Variants in TCF3 observed in about 807,000 individuals in gnomAD.
TCF3 encodes transcription factor 3.
A neutral mutation model predicts 72.3 loss-of-function variants in TCF3; 54 were observed. The observed-to-expected ratio is 0.75, with a 90% CI of 0.60 to 0.94. The LOEUF (loss-of-function observed/expected upper bound fraction) is 0.94. Ranked by LOEUF, TCF3 falls within the 40% of genes least tolerant of loss-of-function variation. The pLI is 0.00. For synonymous variants in TCF3, 525 were observed against 412.6 expected, an observed-to-expected ratio of 1.27 and a Z score of -3.30; for missense variants, 1,078 against 934.4, an observed-to-expected ratio of 1.15 and a Z score of -2.00.
Position 1,615,228 on chromosome 19 carries a change from AG to A in TCF3, c.1822+56del. The A allele has an allele frequency of 6.6e-7, 1 of 1,519,498 alleles. No homozygotes were observed. The highest frequency in any genetic ancestry group is 8.8e-7 in the Non-Finnish European group (1 of 1,135,358). 94.1% of individuals were successfully genotyped at this position (1,519,498 alleles called of 1,614,324 possible). On this transcript the variant is annotated intron_variant, in intron 18 of 18. Coordinates refer to ENST00000262965, the MANE Select transcript of TCF3 (RefSeq NM_003200.5). The surrounding 1 kb of genome is among the most constrained non-coding windows in gnomAD (Gnocchi z 7.3). ...GCGGGCGGGGAAGGAGAACGAGGGC[AG>A]GAACACGAGGGAGGGTGGCGCTGCA... is the stretch of plus-strand genomic sequence containing the variant.
Position 1,621,038 on chromosome 19 carries a change from G to C in TCF3, c.1023C>G (p.Ser341=), listed in dbSNP as rs1248668341. 1.3e-6 allele frequency: 2 copies of C among 1,525,378 alleles called. No homozygotes were observed. The highest frequency in any genetic ancestry group is 2.5e-5 in the South Asian group (2 of 80,574). The allele number at this position is 1,525,378 out of a possible 1,614,324, so 94.5% of individuals were successfully genotyped here. The change falls in exon 13 of 19, where the codon TCC becomes TCG. Residue 341 remains serine, a synonymous_variant. Coordinates refer to ENST00000262965, the MANE Select transcript of TCF3 (RefSeq NM_003200.5). ...AGAAGTTATTGCTTGAGTGATCCGG[G>C]GAGTAGATCTGCGAGGAGGACCAGG... The part of the protein sequence containing the change: ...ALGKALASIY[S]PDHSSNNFSS...
At chr19:1,630,318 G>T (rs539099480) in intron 5 of TCF3, among the ~76,000 whole-genome samples, 2 of 152,184 alleles carry the variant, frequency 1.3e-5, no homozygotes, top group African/African-American at 2.4e-5. Context: ...CGTGGCACGT[G>T]GTGGGCCCTC....
intron 1 of TCF3, among the ~76,000 whole-genome samples, chr19:1,651,662 C>T (rs978780164): frequency 1.3e-5 from 2 of 152,124 alleles, no homozygotes; most frequent in Admixed American, 6.5e-5. Flanking sequence ...CGCCTTTTTC[C>T]CGGGGGGAGG....
At chr19:1,619,626 A>C (rs2061934041) in intron 14 of TCF3, 152 bp from the exon 15 acceptor site, 1 of 1,320,790 alleles carries the variant, frequency 7.6e-7, no homozygotes, top group Non-Finnish European at 1.0e-6. Flanking sequence ...CCGGGAGCAC[A>C]CACAAAATGT....
intron 16 of TCF3, among the ~76,000 whole-genome samples, chr19:1,617,086 G>A (rs552081689): frequency 6.6e-6 from 1 of 152,232 alleles, no homozygotes; most frequent in Non-Finnish European, 1.5e-5. Flanking sequence ...GGGTGGCTTT[G>A]CGCTACCCTT....
At chr19:1,631,301 C>G (rs2063686146) in intron 5 of TCF3, among the ~76,000 whole-genome samples, 1 of 149,426 alleles carries the variant, frequency 6.7e-6, no homozygotes, top group Non-Finnish European at 1.5e-5. Flanking sequence ...TGGAATCTCG[C>G]TCCATCACCC....
chr19:1,625,852 C>A, intron 6 of TCF3, 144 bp from the exon 7 acceptor site: 1 of 1,051,986 alleles, frequency 9.5e-7, no homozygotes, highest in Non-Finnish European at 1.3e-6. Context: ...CGGTGTTTCT[C>A]TGTGACACCT....
At chr19:1,641,011 A>G (rs1238358093) in intron 3 of TCF3, among the ~76,000 whole-genome samples, 1 of 151,970 alleles carries the variant, frequency 6.6e-6, no homozygotes, top group Admixed American at 6.6e-5. Context: ...TTAGCCAGGC[A>G]TGGTGGCAGG....
At chr19:1,647,043 C>T (rs1010594468) in intron 2 of TCF3, among the ~76,000 whole-genome samples, 6 of 152,066 alleles carry the variant, frequency 3.9e-5, no homozygotes, top group Non-Finnish European at 5.9e-5. Flanking sequence ...GGCAGCAGGT[C>T]GAGGAAGACA....
chr19:1,644,131 G>A (rs2065727341), intron 3 of TCF3, among the ~76,000 whole-genome samples: 1 of 152,254 alleles, frequency 6.6e-6, no homozygotes, highest in Non-Finnish European at 1.5e-5. Context: ...AGGAAGCGGG[G>A]AAATGAGCTA....
chr19:1,621,758 G>A (rs2062250323), intron 11 of TCF3, 80 bp downstream of exon 11: 9 of 1,457,242 alleles, frequency 6.2e-6, no homozygotes, highest in South Asian at 1.4e-5. Context: ...CTCCCGTGGA[G>A]TCCTCGCCAC....
At chr19:1,640,450 TAC>T (rs2065073361) in intron 3 of TCF3, among the ~76,000 whole-genome samples, 1 of 152,132 alleles carries the variant, frequency 6.6e-6, no homozygotes, top group Non-Finnish European at 1.5e-5. Context: ...CGGTAATAAT[TAC>T]ACCTATTTCG....
intron 3 of TCF3, among the ~76,000 whole-genome samples, chr19:1,641,761 TC>T (rs1226825476): frequency 6.6e-6 from 1 of 152,082 alleles, no homozygotes; most frequent in Non-Finnish European, 1.5e-5. Context: ...CTGAAATTTT[TC>T]TTTTTTTTTA....
At chr19:1,613,083 G>C (rs1463180983) in intron 18 of TCF3, among the ~76,000 whole-genome samples, 1 of 150,492 alleles carries the variant, frequency 6.6e-6, no homozygotes, top group African/African-American at 2.4e-5. Flanking sequence ...GTACATGGCT[G>C]GTGTGGGTGT....
At chr19:1,642,021 G>T (rs2065313169) in intron 3 of TCF3, among the ~76,000 whole-genome samples, 2 of 151,806 alleles carry the variant, frequency 1.3e-5, no homozygotes, top group South Asian at 4.2e-4. Context: ...CTCCAGTCTG[G>T]ACAACAGAGT....
chr19:1,619,396 G>A lies in TCF3; in HGVS notation c.1246C>T (p.His416Tyr). 1 of 1,593,708 alleles carries A rather than the reference G, an allele frequency of 6.3e-7. No individual in the cohort carries two copies. The highest frequency in any genetic ancestry group is 8.5e-7 in the Non-Finnish European group (1 of 1,177,178). Residue 416 changes from histidine to tyrosine, a missense_variant, in exon 15 of 19, where the codon CAC becomes TAC. Transcript: ENST00000262965. Reference protein sequence around the residue: ...SHAVGTAGDMHTLLPGHGALA... With the variant: ...SHAVGTAGDMYTLLPGHGALA... ...GCCCCGTGGCCAGGCAGCAGCGTGT[G>A]CATGTCGCCGGCTGTGCCCACGGCG... is the stretch of plus-strand genomic sequence containing the variant.
At chr19:1,646,487 C>T (rs1055174715) in intron 2 of TCF3, 60 bp from the exon 3 acceptor site, 49 of 1,481,992 alleles carry the variant, frequency 3.3e-5, no homozygotes, top group Admixed American at 3.0e-4. Flanking sequence ...CCTACAGTCC[C>T]GGGTTCAAAC....
chr19:1,631,755 G>A (rs576144154), intron 5 of TCF3, among the ~76,000 whole-genome samples: 1 of 152,212 alleles, frequency 6.6e-6, no homozygotes, highest in African/African-American at 2.4e-5. Flanking sequence ...GAAGCAGGAG[G>A]AGCCCTGCAG....
At chr19:1,642,338 G>T (rs1050008988) in intron 3 of TCF3, among the ~76,000 whole-genome samples, 1 of 152,184 alleles carries the variant, frequency 6.6e-6, no homozygotes, top group Non-Finnish European at 1.5e-5. Flanking sequence ...ACACGTGCGT[G>T]TAAAGCCGGT....
Sources: allele counts gnomAD v4.1 joint callset (sites outside exome capture counted in the v4.1 genomes callset), GRCh38; gene constraint gnomAD v4.1.1; non-coding constraint Gnocchi (gnomAD v3.1); transcripts MANE v1.5; gene names NCBI Gene and HGNC (gene_info 2026-07-23, HGNC 2026-07-21).